Variants in CHRM3 observed in about 807,000 individuals in gnomAD.
CHRM3 encodes the protein cholinergic receptor muscarinic 3.
In CHRM3, 11 loss-of-function variants were observed where a neutral mutation model predicts 41.8. That is an observed-to-expected ratio of 0.26 (90% CI 0.17 to 0.44). The LOEUF is 0.44. Among genes scored for constraint, CHRM3 ranks in the 20% least tolerant of loss-of-function variants. CHRM3 has a pLI of 1.00. For synonymous variants in CHRM3, 297 were observed against 301.4 expected, an observed-to-expected ratio of 0.99 and a Z score of 0.15; for missense variants, 571 against 745.4, an observed-to-expected ratio of 0.77 and a Z score of 2.72.
At chr1:239,642,299 T>C (rs1040316667) in intron 4 of CHRM3, among the ~76,000 whole-genome samples, 4 of 151,696 alleles carry the variant, frequency 2.6e-5, no homozygotes, top group East Asian at 3.9e-4. Context: ...TTTCCTGAAT[T>C]TGAATGTTGG....
chr1:239,488,321 T>C (rs1667320383), intron 1 of CHRM3, among the ~76,000 whole-genome samples: 1 of 152,092 alleles, frequency 6.6e-6, no homozygotes, highest in South Asian at 2.1e-4. Flanking sequence ...TTAGCAGAGG[T>C]ACAGAAAGTA....
At chr1:239,897,158 G>A (rs542251871) in intron 6 of CHRM3, among the ~76,000 whole-genome samples, 4 of 152,152 alleles carry the variant, frequency 2.6e-5, no homozygotes, top group Non-Finnish European at 5.9e-5. Flanking sequence ...CGTTTAATGC[G>A]CGCCTCCCAC....
chr1:239,771,201 G>T, intron 5 of CHRM3, among the ~76,000 whole-genome samples: 1 of 152,106 alleles, frequency 6.6e-6, no homozygotes, highest in East Asian at 1.9e-4. Context: ...AATCTCAGAA[G>T]CATGTTAGCC....
rs1054884792 is a variant in CHRM3, at chr1:239,431,190, T to C, written c.-521+43963T>C. On this transcript the variant is annotated intron_variant, in intron 1 of 6. Transcript: ENST00000676153. Reference sequence around the variant, plus strand: ...TATGCCAGTCAAATGCTCGTGTACATTAGGAGTAAAATTAATTTATTTAAT... The same window carrying C: ...TATGCCAGTCAAATGCTCGTGTACACTAGGAGTAAAATTAATTTATTTAAT... 3.3e-5 allele frequency among the ~76,000 whole-genome samples: 5 copies of C among 152,146 alleles called. 1 individual carries two copies. The South Asian group carries it at 1.0e-3, about 32-fold the overall frequency.
intron 6 of CHRM3, among the ~76,000 whole-genome samples, chr1:239,835,791 A>G (rs533690628): frequency 7.2e-5 from 11 of 152,352 alleles, no homozygotes; most frequent in African/African-American, 2.6e-4. Context: ...ATTTATTTCC[A>G]TAGGACACAG....
intron 6 of CHRM3, among the ~76,000 whole-genome samples, chr1:239,834,976 GA>G (rs1191763458): frequency 6.6e-6 from 1 of 152,170 alleles, no homozygotes; most frequent in African/African-American, 2.4e-5. Context: ...AAAGCAAATG[GA>G]AATATGGGTG....
At chr1:239,762,143 T>C (rs560203249) in intron 5 of CHRM3, among the ~76,000 whole-genome samples, 66 of 152,318 alleles carry the variant, frequency 4.3e-4, no homozygotes, top group Admixed American at 7.8e-4. Flanking sequence ...AATCCAGTTC[T>C]TTTAACTCTA....
At chr1:239,497,688 G>A (rs1411837914) in intron 2 of CHRM3, among the ~76,000 whole-genome samples, 1 of 152,198 alleles carries the variant, frequency 6.6e-6, no homozygotes, top group Non-Finnish European at 1.5e-5. Context: ...AGCCAGGGAA[G>A]ACTAACAGTG....
chr1:239,571,579 C>T (rs1661832346), intron 3 of CHRM3, among the ~76,000 whole-genome samples: 1 of 152,170 alleles, frequency 6.6e-6, no homozygotes, highest in South Asian at 2.1e-4. Context: ...AGAGTCACCA[C>T]CAGCTGTCCC....
In CHRM3 at chr1:239,665,322, C is replaced by T. The variant is rs1479766584; in HGVS notation, c.-249-12864C>T. 5.3e-5 allele frequency among the ~76,000 whole-genome samples: 8 copies of T among 152,254 alleles called. No homozygotes were observed. The East Asian group carries it at 5.8e-4, about 11-fold the overall frequency. On this transcript the variant is annotated intron_variant, in intron 4 of 6. Transcript: ENST00000676153. ...CCTGAGCTGCTAGGCTCCTCAGCATCGTCTGCACTTCCACCTTGGTCCCTC... is the reference window on the plus strand; with the variant it reads ...CCTGAGCTGCTAGGCTCCTCAGCATTGTCTGCACTTCCACCTTGGTCCCTC...
At chr1:239,538,801 C>A (rs1658459183) in intron 2 of CHRM3, among the ~76,000 whole-genome samples, 1 of 152,140 alleles carries the variant, frequency 6.6e-6, no homozygotes, top group African/African-American at 2.4e-5. Context: ...CAATTTGAAA[C>A]AAGCTTAGGA....
intron 3 of CHRM3, among the ~76,000 whole-genome samples, chr1:239,560,515 T>A (rs564755612): frequency 5.6e-4 from 86 of 152,306 alleles, no homozygotes; most frequent in Admixed American, 1.5e-3. Flanking sequence ...CTTCATAGTA[T>A]AACAATACAT....
rs145542789 is a variant in CHRM3, at chr1:239,603,365, A to C, written c.-312-28859A>C. 7.6e-3 allele frequency among the ~76,000 whole-genome samples: 1,155 copies of C among 152,290 alleles called. 9 individuals are homozygous for C. The highest frequency in any genetic ancestry group is 0.026 in the African/African-American group (1,090 of 41,568). ...AAAGCTACTATTTAAAAAATATCTA[A>C]GTTTTTCTGAACAGGTGCTATCACC... On this transcript the variant is annotated intron_variant, in intron 3 of 6. Transcript: ENST00000676153.
intron 6 of CHRM3, among the ~76,000 whole-genome samples, chr1:239,872,926 C>T (rs72760711): frequency 0.053 from 7,993 of 151,390 alleles, 296 homozygotes; most frequent in Middle Eastern, 0.11. Context: ...GCAGAACAGC[C>T]CTCCAGTTTG....
At chr1:239,581,492 A>G (rs1662897722) in intron 3 of CHRM3, among the ~76,000 whole-genome samples, 1 of 152,056 alleles carries the variant, frequency 6.6e-6, no homozygotes, top group African/African-American at 2.4e-5. Flanking sequence ...AAATACTTAC[A>G]AAGTTTGCAT....
At chr1:239,537,569 A>T (rs61096072) in intron 2 of CHRM3, among the ~76,000 whole-genome samples, 2 of 151,982 alleles carry the variant, frequency 1.3e-5, no homozygotes, top group African/African-American at 4.8e-5. Flanking sequence ...TCCAAACTCT[A>T]TATCAGTCCC....
chr1:239,613,491 C>G (rs1667288527), intron 3 of CHRM3, among the ~76,000 whole-genome samples: 1 of 152,172 alleles, frequency 6.6e-6, no homozygotes, highest in Non-Finnish European at 1.5e-5. Context: ...GTCCCAATCT[C>G]AAGTACCACA....
At chr1:239,486,082 T>C (rs1667165842) in intron 1 of CHRM3, among the ~76,000 whole-genome samples, 1 of 152,210 alleles carries the variant, frequency 6.6e-6, no homozygotes, top group Non-Finnish European at 1.5e-5. Flanking sequence ...GCTAGACACC[T>C]TACAAAGTGC....
intron 1 of CHRM3, among the ~76,000 whole-genome samples, chr1:239,481,362 A>AT (rs1202699325): frequency 2.6e-5 from 4 of 151,970 alleles, no homozygotes; most frequent in South Asian, 2.1e-4. Flanking sequence ...CACTTTATTT[A>AT]TTTTTTTTAC....
Sources: gnomAD v4.1 joint callset for allele counts (sites outside exome capture counted in the v4.1 genomes callset) on GRCh38, gnomAD v4.1.1 for gene constraint, MANE v1.5 for transcripts, NCBI Gene and HGNC (gene_info 2026-07-23, HGNC 2026-07-21) for gene names.